SEMA3A: variants seen among roughly 807,000 people sequenced by gnomAD.
The protein encoded by SEMA3A is semaphorin 3A.
Under a neutral mutation model 97.9 loss-of-function variants are expected in SEMA3A, and 29 were observed. The observed-to-expected ratio is 0.30, with a 90% CI of 0.22 to 0.40. SEMA3A has a LOEUF of 0.40. SEMA3A is among the 10% of genes least tolerant of loss of function. SEMA3A has a pLI of 1.00. For missense variants in SEMA3A, 763 were observed against 951.3 expected, an observed-to-expected ratio of 0.80 and a Z score of 2.60; for synonymous variants, 321 against 323.7, an observed-to-expected ratio of 0.99 and a Z score of 0.09.
intron 1 of SEMA3A, among the ~76,000 whole-genome samples, chr7:84,452,302 C>G (rs1014106417): frequency 6.6e-6 from 1 of 151,976 alleles, no homozygotes; most frequent in Admixed American, 6.6e-5. Flanking sequence ...AAATATGAAC[C>G]TACTTAGATG....
chr7:84,188,385 G>C (rs540215927), intron 1 of SEMA3A, among the ~76,000 whole-genome samples: 1 of 152,014 alleles, frequency 6.6e-6, no homozygotes, highest in South Asian at 2.1e-4. Context: ...TGGCAATAGT[G>C]GGAGATAGTA....
At chr7:84,194,386 G>GA (rs1403513126) in intron 1 of SEMA3A, 89 bp downstream of exon 1, 17 of 812,526 alleles carry the variant, frequency 2.1e-5, no homozygotes, top group Middle Eastern at 2.4e-4. Context: ...CTAAAGGTTT[G>GA]ATGATTTGGG....
At chr7:84,413,219 T>C (rs1024838430) in intron 1 of SEMA3A, among the ~76,000 whole-genome samples, 15 of 152,168 alleles carry the variant, frequency 9.9e-5, no homozygotes, top group Non-Finnish European at 2.1e-4. Context: ...AATGGTTCTA[T>C]TGCCATAGCC....
At chr7:84,410,166 T>C (rs1804222634) in intron 1 of SEMA3A, among the ~76,000 whole-genome samples, 2 of 152,146 alleles carry the variant, frequency 1.3e-5, no homozygotes. Flanking sequence ...TCTTATGTTA[T>C]GTAACTGTCT....
At chr7:84,443,059 A>G (rs1805310632) in intron 1 of SEMA3A, among the ~76,000 whole-genome samples, 1 of 152,158 alleles carries the variant, frequency 6.6e-6, no homozygotes. Context: ...TAATGAATAG[A>G]GCAATCAGAC....
rs912237974 is a variant in SEMA3A, at chr7:84,184,782, G to A, written c.112+9693C>T. Reference sequence around the variant, plus strand: ...GTGCATGCCTTTAGAGGCAAGACAAGTACTAAGGTCCAGAGCCAATATAAT... The same window carrying A: ...GTGCATGCCTTTAGAGGCAAGACAAATACTAAGGTCCAGAGCCAATATAAT... On this transcript the variant is annotated intron_variant, in intron 1 of 16. Coordinates refer to ENST00000265362, the MANE Select transcript of SEMA3A (RefSeq NM_006080.3). Among the ~76,000 whole-genome samples the A allele has an allele frequency of 2.6e-5, 4 of 152,300 alleles. No homozygotes were observed. In the South Asian group the frequency reaches 8.3e-4, roughly 32 times the overall value.
At chr7:84,167,191 G>A (rs1260745879) in intron 1 of SEMA3A, among the ~76,000 whole-genome samples, 2 of 152,020 alleles carry the variant, frequency 1.3e-5, no homozygotes, top group Admixed American at 6.6e-5. Context: ...CCCTAGAAAG[G>A]TCACATGTGG....
At chr7:84,034,648 C>T (rs1278896854) in intron 6 of SEMA3A, among the ~76,000 whole-genome samples, 3 of 152,168 alleles carry the variant, frequency 2.0e-5, no homozygotes, top group African/African-American at 7.2e-5. Context: ...CTTTCAAATA[C>T]TCAGTGTAAT....
intron 3 of SEMA3A, among the ~76,000 whole-genome samples, chr7:84,230,659 C>T (rs1042996182): frequency 2.6e-5 from 4 of 151,778 alleles, no homozygotes; most frequent in Non-Finnish European, 5.9e-5. Context: ...GTGTCTGGTT[C>T]GGCTCTTATG....
At position 83,985,453 on chromosome 7, in the gene SEMA3A, C is replaced by G. The variant is rs1789588417; in HGVS notation, c.1477G>C (p.Glu493Gln). The change falls in exon 13 of 17, where the codon GAG becomes CAG. Residue 493 changes from glutamate (E) to glutamine (Q), a missense_variant. Around this residue, in one of 2 missense-constraint regions of SEMA3A, gnomAD observed 678 missense variants for 881.3 expected, o/e 0.77. Coordinates refer to ENST00000265362, the MANE Select transcript of SEMA3A (RefSeq NM_006080.3). ...FREPTAISAM[E>Q]LSTKQQQLYI... is the part of the protein sequence containing the mutation. ...GATAGTACCTGCTTAGTGGAAAGCT[C>G]CATTGCTGAAATAGCAGTCGGTTCC... The G allele has an allele frequency of 6.2e-7, 1 of 1,610,502 alleles. No individual in the cohort carries two copies. The highest frequency in any genetic ancestry group is 1.1e-5 in the South Asian group (1 of 90,742).
chr7:83,967,262 T>C (rs1161581093), intron 15 of SEMA3A, among the ~76,000 whole-genome samples: 1 of 152,190 alleles, frequency 6.6e-6, no homozygotes, highest in Non-Finnish European at 1.5e-5. Flanking sequence ...TCCTTTCCAT[T>C]TCCTGAGTGC....
chr7:83,972,075 A>G (rs1424704233), intron 15 of SEMA3A, among the ~76,000 whole-genome samples: 3 of 152,046 alleles, frequency 2.0e-5, no homozygotes, highest in African/African-American at 7.2e-5. Flanking sequence ...ATATATACAC[A>G]TACATATACA....
chr7:84,147,795 C>T (rs865819087), intron 1 of SEMA3A, among the ~76,000 whole-genome samples: 1 of 152,204 alleles, frequency 6.6e-6, no homozygotes, highest in African/African-American at 2.4e-5. Flanking sequence ...TTCTTTACAA[C>T]ATGCCTGGTG....
At chr7:84,074,186 A>G (rs1313273843) in intron 4 of SEMA3A, among the ~76,000 whole-genome samples, 1 of 152,146 alleles carries the variant, frequency 6.6e-6, no homozygotes, top group Non-Finnish European at 1.5e-5. Flanking sequence ...TCTTCTGCTA[A>G]TCAAACTGCT....
intron 4 of SEMA3A, among the ~76,000 whole-genome samples, chr7:84,064,102 G>T (rs541718394): frequency 6.6e-6 from 1 of 152,272 alleles, no homozygotes; most frequent in South Asian, 2.1e-4. Context: ...AGAAGAGAGG[G>T]GGGGCCAATA....
At chr7:83,996,659 T>G (rs1790233994) in intron 12 of SEMA3A, among the ~76,000 whole-genome samples, 1 of 151,162 alleles carries the variant, frequency 6.6e-6, no homozygotes, top group African/African-American at 2.4e-5. Context: ...ATAATCACAG[T>G]CTTTACTGTG....
intron 12 of SEMA3A, among the ~76,000 whole-genome samples, chr7:83,993,501 G>T (rs1562960277): frequency 2.0e-5 from 3 of 150,740 alleles, no homozygotes; most frequent in Non-Finnish European, 3.0e-5. Flanking sequence ...GCTCTTTTAG[G>T]GCAGGCCTGG....
chr7:84,411,702 C>T (rs1001913378), intron 1 of SEMA3A, among the ~76,000 whole-genome samples: 11 of 151,842 alleles, frequency 7.2e-5, no homozygotes, highest in African/African-American at 2.2e-4. Flanking sequence ...CTTTTCCTTA[C>T]GTATGTTGAG....
chr7:84,015,071 C>T (rs1791044241), intron 6 of SEMA3A, among the ~76,000 whole-genome samples: 1 of 152,154 alleles, frequency 6.6e-6, no homozygotes, highest in Admixed American at 6.5e-5. Context: ...CTCCACACGA[C>T]AGCCAGAATG....
Sources: gnomAD v4.1 joint callset for allele counts (sites outside exome capture counted in the v4.1 genomes callset) on GRCh38, gnomAD v4.1.1 for gene constraint, gnomAD v4.1.1 regional missense constraint, MANE v1.5 for transcripts, NCBI Gene and HGNC (gene_info 2026-07-23, HGNC 2026-07-21) for gene names.